ATP8A2: variants seen among roughly 807,000 people sequenced by gnomAD.
The protein encoded by ATP8A2 is phospholipid-transporting ATPase IB.
Under a neutral mutation model 165.6 loss-of-function variants are expected in ATP8A2, and 100 were observed. That is an observed-to-expected ratio of 0.60 (90% confidence interval 0.51 to 0.71). The LOEUF (loss-of-function observed/expected upper bound fraction) is 0.71, where lower values mean the gene tolerates loss of function less well. Ranked by LOEUF, ATP8A2 falls within the 30% of genes least tolerant of loss-of-function variation. The pLI is 0.00. For synonymous variants in ATP8A2, 543 were observed against 548.8 expected (o/e 0.99, Z 0.15); for missense variants, 1,227 against 1,479.5 (o/e 0.83, Z 2.80).
At chr13:25,783,060 A>ATTG (rs1555265864) in intron 27 of ATP8A2, among the ~76,000 whole-genome samples, 2 of 152,168 alleles carry the variant, frequency 1.3e-5, no homozygotes, top group Non-Finnish European at 2.9e-5. Context: ...AATATGTACT[A>ATTG]TTTATTCTTG....
intron 35 of ATP8A2, among the ~76,000 whole-genome samples, chr13:26,002,849 TGTGTGTGTGTGTGTGTGTG>T (rs1566343465): frequency 3.1e-3 from 26 of 8,440 alleles, no homozygotes; most frequent in Admixed American, 8.7e-3. Context: ...AGTATTCCAC[TGTGTGTGTGTGTGTGTGTG>T]TGTGTGTGTG....
At chr13:25,685,013 G>A (rs1566045379) in intron 24 of ATP8A2, among the ~76,000 whole-genome samples, 1 of 152,208 alleles carries the variant, frequency 6.6e-6, no homozygotes, top group African/African-American at 2.4e-5. Flanking sequence ...ATGTATTAAT[G>A]TATAGATTAA....
At chr13:25,404,180 C>T (rs2033725817) in intron 1 of ATP8A2, among the ~76,000 whole-genome samples, 1 of 152,088 alleles carries the variant, frequency 6.6e-6, no homozygotes, top group African/African-American at 2.4e-5. Context: ...CCAGAGCAGG[C>T]TTCCTGAGGG....
intron 1 of ATP8A2, among the ~76,000 whole-genome samples, chr13:25,449,127 G>T (rs908070077): frequency 4.0e-5 from 6 of 151,884 alleles, no homozygotes; most frequent in African/African-American, 1.5e-4. Flanking sequence ...TTTCTTATTG[G>T]CTTCCCTTCT....
intron 27 of ATP8A2, among the ~76,000 whole-genome samples, chr13:25,801,492 T>G (rs1412079176): frequency 6.6e-6 from 1 of 152,136 alleles, no homozygotes; most frequent in Non-Finnish European, 1.5e-5. Context: ...CATCCCTGTC[T>G]GTGGGTGGCT....
intron 33 of ATP8A2, among the ~76,000 whole-genome samples, chr13:25,900,172 G>T (rs1239121594): frequency 1.3e-5 from 2 of 152,212 alleles, no homozygotes; most frequent in African/African-American, 2.4e-5. Flanking sequence ...TGAAATTTCT[G>T]GGTGGCTGGA....
chr13:25,689,846 C>T (rs2042684558), intron 24 of ATP8A2, among the ~76,000 whole-genome samples: 1 of 151,976 alleles, frequency 6.6e-6, no homozygotes, highest in African/African-American at 2.4e-5. Flanking sequence ...AGGAAGATCA[C>T]ACTTTGAAAT....
chr13:25,444,117 A>C (rs2035007643), intron 1 of ATP8A2, among the ~76,000 whole-genome samples: 1 of 152,204 alleles, frequency 6.6e-6, no homozygotes, highest in African/African-American at 2.4e-5. Context: ...TGCCAAGTGC[A>C]ATCACTGTTC....
intron 27 of ATP8A2, among the ~76,000 whole-genome samples, chr13:25,783,106 T>A (rs907606683): frequency 1.3e-5 from 2 of 152,164 alleles, no homozygotes; most frequent in East Asian, 3.8e-4. Flanking sequence ...TCCTGAATAT[T>A]TTTTTTTCCT....
chr13:25,472,500 A>C (rs796837017), intron 2 of ATP8A2, among the ~76,000 whole-genome samples: 5 of 152,254 alleles, frequency 3.3e-5, no homozygotes, highest in African/African-American at 1.2e-4. Context: ...TACTGAACTC[A>C]AGTTTTATGA....
intron 27 of ATP8A2, among the ~76,000 whole-genome samples, chr13:25,777,815 A>G (rs1255499757): frequency 6.6e-6 from 1 of 152,232 alleles, no homozygotes; most frequent in Non-Finnish European, 1.5e-5. Context: ...ACTAACCTAT[A>G]AAAGTGGATT....
At chr13:25,802,153 C>T (rs1950635219) in intron 27 of ATP8A2, among the ~76,000 whole-genome samples, 1 of 152,148 alleles carries the variant, frequency 6.6e-6, no homozygotes, top group African/African-American at 2.4e-5. Context: ...AAAAGTTTTG[C>T]CTTGCAGAAA....
intron 33 of ATP8A2, among the ~76,000 whole-genome samples, chr13:25,867,660 TCCCCC>T (rs898383362): frequency 6.6e-6 from 1 of 151,864 alleles, no homozygotes; most frequent in African/African-American, 2.4e-5. Context: ...CTTCATCCCA[TCCCCC>T]CTGCCACAGT....
intron 35 of ATP8A2, among the ~76,000 whole-genome samples, chr13:25,987,331 C>T (rs1427017359): frequency 6.6e-6 from 1 of 152,214 alleles, no homozygotes; most frequent in Non-Finnish European, 1.5e-5. Context: ...AGCTGTTCTT[C>T]CAACTGGAAA....
chr13:25,416,837 A>T (rs2034144915), intron 1 of ATP8A2, among the ~76,000 whole-genome samples: 1 of 152,154 alleles, frequency 6.6e-6, no homozygotes. Flanking sequence ...TCTTTTATTC[A>T]TGGGAGGTAC....
chr13:25,465,673 T>TTCTTTC (rs2035619416), intron 1 of ATP8A2, among the ~76,000 whole-genome samples: 1 of 5,914 alleles, frequency 1.7e-4, no homozygotes, highest in African/African-American at 3.4e-4. Flanking sequence ...TTTTCTTTCT[T>TTCTTTC]TCTTTCTTTC....
chr13:25,827,924 T>A (rs1951361433), intron 27 of ATP8A2, among the ~76,000 whole-genome samples, 194 bp from the exon 28 acceptor site: 1 of 152,212 alleles, frequency 6.6e-6, no homozygotes. Context: ...AAATATAAAT[T>A]TTCCTTACAA....
intron 27 of ATP8A2, among the ~76,000 whole-genome samples, chr13:25,822,331 T>G (rs1018171522): frequency 6.6e-6 from 1 of 152,184 alleles, no homozygotes; most frequent in African/African-American, 2.4e-5. Context: ...CTATAAGGTA[T>G]AATTTAGAGT....
rs189445915 is a variant in ATP8A2 at position 25,561,660 on chromosome 13, T to G, written c.1397+1895T>G. On this transcript the variant is annotated intron_variant, in intron 15 of 36. Coordinates refer to ENST00000381655, the MANE Select transcript of ATP8A2 (RefSeq NM_016529.6). ...TAACATAATATTTATCATTTGACTC[T>G]TTTAAATGTACAATTCAGTTGCACT... Among the ~76,000 whole-genome samples, 3 of 152,360 alleles carry G rather than the reference T, an allele frequency of 2.0e-5. No homozygotes were observed. The East Asian group carries it at 5.8e-4, about 29-fold the overall frequency.
Sources: allele counts gnomAD v4.1 joint callset (sites outside exome capture counted in the v4.1 genomes callset), GRCh38; gene constraint gnomAD v4.1.1; transcripts MANE v1.5; gene names NCBI Gene and HGNC (gene_info 2026-07-23, HGNC 2026-07-21).